The following EED variants were observed in gnomAD, a reference collection of about 807,000 sequenced individuals.
The protein encoded by EED is embryonic ectoderm development.
Under a neutral mutation model 61.0 loss-of-function variants are expected in EED, and 9 were observed. The observed-to-expected ratio is 0.15, with a 90% CI of 0.09 to 0.26. The LOEUF (loss-of-function observed/expected upper bound fraction) is 0.26. EED is among the 10% of genes least tolerant of loss of function. EED has a pLI of 1.00. For synonymous variants in EED, 187 were observed against 174.4 expected (o/e 1.07, Z -0.57); for missense variants, 315 against 542.3 (o/e 0.58, Z 4.16).
rs1945816538 is a variant in EED at position 86,261,139 on chromosome 11, G to T, written c.635-3033G>T. On this transcript the variant is annotated intron_variant, in intron 6 of 11. Coordinates refer to ENST00000263360, the MANE Select transcript of EED (RefSeq NM_003797.5). ...GGGTGAGACTCAAGGCAGGATTCCTGCTGAGGTAAATTCTCCATCTGTGGG... is the reference window on the plus strand; with the variant it reads ...GGGTGAGACTCAAGGCAGGATTCCTTCTGAGGTAAATTCTCCATCTGTGGG... Among the ~76,000 whole-genome samples, 4 of 152,150 alleles carry T rather than the reference G, an allele frequency of 2.6e-5. No homozygotes were observed. The South Asian group carries it at 8.3e-4, about 32-fold the overall frequency.
intron 9 of EED, among the ~76,000 whole-genome samples, chr11:86,271,974 G>C (rs115012812): frequency 1.5e-5 from 2 of 133,678 alleles, no homozygotes; most frequent in African/African-American, 5.7e-5. Flanking sequence ...TCTGGTTTTG[G>C]TATTAGTAAT....
intron 9 of EED, among the ~76,000 whole-genome samples, chr11:86,275,791 A>G (rs1946214937): frequency 6.6e-6 from 1 of 152,250 alleles, no homozygotes. Flanking sequence ...TTTAGCCAAG[A>G]GTCATCACAC....
chr11:86,251,305 A>G (rs865799926), intron 2 of EED, among the ~76,000 whole-genome samples: 5 of 152,176 alleles, frequency 3.3e-5, no homozygotes, highest in East Asian at 1.9e-4. Flanking sequence ...TTAAAAGTCA[A>G]TTATAGTTTC....
chr11:86,272,338 G>A (rs549383834), intron 9 of EED, among the ~76,000 whole-genome samples: 1,971 of 151,904 alleles, frequency 0.013, 45 homozygotes, highest in African/African-American at 0.046. Context: ...GGTTACAGGC[G>A]TGAGCCACCG....
chr11:86,244,954 G>C lies in EED; in HGVS notation c.-276G>C, dbSNP rs1359077764. Reference sequence around the variant, plus strand: ...GACCTTACATCGTGTAGACTGCCGGGAGGGCGGCGGGAAAAGGGCAAGACG... The same window carrying C: ...GACCTTACATCGTGTAGACTGCCGGCAGGGCGGCGGGAAAAGGGCAAGACG... On this transcript the variant is annotated 5_prime_UTR_variant, in exon 1 of 12. Coordinates refer to ENST00000263360, the MANE Select transcript of EED (RefSeq NM_003797.5). 2 of 403,758 alleles carry C rather than the reference G, an allele frequency of 5.0e-6. No individual in the cohort carries two copies. The highest frequency in any genetic ancestry group is 8.9e-6 in the Non-Finnish European group (2 of 224,708). 25.0% of individuals were successfully genotyped at this position (403,758 alleles called of 1,614,324 possible). A position where few individuals can be genotyped will look rare whatever the true frequency, so the allele number is the denominator to read the frequency against.
At chr11:86,249,335 A>G (rs931307497) in intron 1 of EED, among the ~76,000 whole-genome samples, 8 of 151,738 alleles carry the variant, frequency 5.3e-5, no homozygotes, top group African/African-American at 1.9e-4. Context: ...ATTTAAAAAT[A>G]GCCCCTAAAG....
At chr11:86,265,960 C>A in intron 7 of EED, 123 bp from the exon 8 acceptor site, 2 of 793,712 alleles carry the variant, frequency 2.5e-6, no homozygotes, top group Non-Finnish European at 1.9e-6. Context: ...TTAGATGAAA[C>A]CCAAAATGTA....
chr11:86,270,285 C>T (rs997239059), intron 9 of EED: 5 of 427,336 alleles, frequency 1.2e-5, no homozygotes, highest in South Asian at 5.8e-5. Context: ...ATTTACCATT[C>T]GTATATCCTT....
chr11:86,265,975 G>T, intron 7 of EED, 108 bp from the exon 8 acceptor site: 1 of 932,500 alleles, frequency 1.1e-6, no homozygotes, highest in East Asian at 2.6e-5. Context: ...AATGTAGTTT[G>T]TATTGTGATT....
At chr11:86,259,998 C>T (rs555010514) in intron 6 of EED, among the ~76,000 whole-genome samples, 2 of 152,102 alleles carry the variant, frequency 1.3e-5, no homozygotes, top group Non-Finnish European at 2.9e-5. Context: ...GTATGTATAT[C>T]CTAGGGTTGT....
chr11:86,279,868 A>T (rs979928654), downstream of EED, among the ~76,000 whole-genome samples: 1 of 152,130 alleles, frequency 6.6e-6, no homozygotes, highest in Middle Eastern at 3.2e-3. Flanking sequence ...TTTAATAGGA[A>T]CTTCAAGAAG....
chr11:86,252,309 T>G, intron 3 of EED, 69 bp downstream of exon 3: 1 of 1,115,832 alleles, frequency 9.0e-7, no homozygotes, highest in South Asian at 1.6e-5. Flanking sequence ...AATATTGAAA[T>G]AGAATAATTT....
intron 10 of EED, 50 bp from the exon 11 acceptor site, chr11:86,277,868 G>T (rs773104585): frequency 1.3e-6 from 2 of 1,492,682 alleles, no homozygotes; most frequent in Non-Finnish European, 1.8e-6. Context: ...CAATGCTTTA[G>T]AACCTGGTAA....
intron 1 of EED, among the ~76,000 whole-genome samples, chr11:86,249,947 T>C (rs536687043): frequency 6.6e-6 from 1 of 152,344 alleles, no homozygotes; most frequent in Non-Finnish European, 1.5e-5. Context: ...AGAGACCAGT[T>C]AGGCTTTTTC....
At chr11:86,251,584 T>A (rs1565689292) in intron 2 of EED, among the ~76,000 whole-genome samples, 1 of 152,162 alleles carries the variant, frequency 6.6e-6, no homozygotes, top group Non-Finnish European at 1.5e-5. Flanking sequence ...TCTTTGTACA[T>A]CTCCTATAGC....
intron 9 of EED, among the ~76,000 whole-genome samples, chr11:86,271,269 A>C (rs182281085): frequency 1.4e-3 from 207 of 152,234 alleles, no homozygotes; most frequent in Admixed American, 3.1e-3. Context: ...ATTTATACCT[A>C]AGTATTTTTT....
chr11:86,270,353 GT>G (rs1946084829), intron 9 of EED, among the ~76,000 whole-genome samples: 2 of 63,916 alleles, frequency 3.1e-5, no homozygotes, highest in Admixed American at 4.5e-4. Flanking sequence ...GTTTTTTGTT[GT>G]GTTTTTTTTT....
At chr11:86,246,754 G>C (rs968875480) in intron 1 of EED, among the ~76,000 whole-genome samples, 6 of 152,166 alleles carry the variant, frequency 3.9e-5, no homozygotes, top group African/African-American at 1.4e-4. Context: ...AGGCAGATTA[G>C]AGTATTAAGA....
intron 2 of EED, among the ~76,000 whole-genome samples, chr11:86,251,877 A>G (rs2138140282): frequency 6.6e-6 from 1 of 152,342 alleles, no homozygotes; most frequent in Admixed American, 6.5e-5. Context: ...GAAAAAGGCA[A>G]ATATTATAAG....
Sources: allele counts gnomAD v4.1 joint callset (sites outside exome capture counted in the v4.1 genomes callset), GRCh38; gene constraint gnomAD v4.1.1; transcripts MANE v1.5; gene names NCBI Gene and HGNC (gene_info 2026-07-23, HGNC 2026-07-21).